GREB1L: variants seen among roughly 807,000 people sequenced by gnomAD.
GREB1L encodes the protein GREB1-like protein.
A neutral mutation model predicts 200.8 loss-of-function variants in GREB1L; 17 were observed. The observed-to-expected ratio is 0.08, with a 90% CI of 0.06 to 0.13. The LOEUF is 0.13. GREB1L is among the 10% of genes least tolerant of loss of function. The pLI is 1.00. For missense variants in GREB1L, 1,657 were observed against 2,367.7 expected (o/e 0.70, Z 6.23); for synonymous variants, 789 against 893.0 (o/e 0.88, Z 2.08).
intron 7 of GREB1L, among the ~76,000 whole-genome samples, chr18:21,414,495 C>T (rs1411798684): frequency 6.6e-6 from 1 of 152,168 alleles, no homozygotes; most frequent in Non-Finnish European, 1.5e-5. Flanking sequence ...TTACTGATCT[C>T]TCGTCAGCTC....
intron 18 of GREB1L, among the ~76,000 whole-genome samples, chr18:21,486,955 G>A (rs1462044434): frequency 6.6e-6 from 1 of 152,166 alleles, no homozygotes; most frequent in Non-Finnish European, 1.5e-5. Flanking sequence ...TTAAAATGAG[G>A]ACCTATGGAT....
intron 1 of GREB1L, among the ~76,000 whole-genome samples, chr18:21,254,890 A>G (rs746582174): frequency 6.6e-6 from 1 of 152,164 alleles, no homozygotes; most frequent in Non-Finnish European, 1.5e-5. Flanking sequence ...ACACACATTG[A>G]TGTCCCAAAT....
intron 7 of GREB1L, among the ~76,000 whole-genome samples, chr18:21,428,191 C>T (rs1317383987): frequency 1.1e-5 from 1 of 90,496 alleles, no homozygotes; most frequent in Non-Finnish European, 1.9e-5. Flanking sequence ...AGCGAGACTC[C>T]GTCTCAAAAA....
At chr18:21,430,610 A>AAT (rs2033068247) in intron 7 of GREB1L, among the ~76,000 whole-genome samples, 3 of 62,566 alleles carry the variant, frequency 4.8e-5, no homozygotes, top group South Asian at 5.4e-4. Context: ...TTTTTTTTTA[A>AAT]TTTGAGACGG....
At chr18:21,329,323 TAAA>T (rs35862944) in intron 1 of GREB1L, among the ~76,000 whole-genome samples, 9 of 92,338 alleles carry the variant, frequency 9.7e-5, no homozygotes, top group African/African-American at 2.6e-4. Context: ...AGACTCTGTC[TAAA>T]AAAAAAAAAA....
intron 7 of GREB1L, among the ~76,000 whole-genome samples, chr18:21,406,089 T>C (rs1298167908): frequency 6.8e-6 from 1 of 146,232 alleles, no homozygotes; most frequent in Non-Finnish European, 1.5e-5. Context: ...CAATAAAACA[T>C]GTAACCTTTC....
intron 27 of GREB1L, among the ~76,000 whole-genome samples, chr18:21,513,265 G>A (rs2037304449): frequency 6.6e-6 from 1 of 152,142 alleles, no homozygotes; most frequent in South Asian, 2.1e-4. Flanking sequence ...GCAGATCTAG[G>A]GAAAGGGTGC....
At chr18:21,520,619 A>C in intron 31 of GREB1L, 69 bp from the exon 32 acceptor site, 8 of 1,489,270 alleles carry the variant, frequency 5.4e-6, no homozygotes, top group Non-Finnish European at 7.3e-6. Context: ...GTACTGAGTC[A>C]TTCTGCTGAA....
At chr18:21,517,229 C>G (rs550739430) in intron 30 of GREB1L, among the ~76,000 whole-genome samples, 1 of 152,284 alleles carries the variant, frequency 6.6e-6, no homozygotes, top group East Asian at 1.9e-4. Flanking sequence ...TGAGACTCAT[C>G]TAGAGCCAAA....
intron 15 of GREB1L, among the ~76,000 whole-genome samples, chr18:21,459,169 A>G (rs1215589848): frequency 2.0e-5 from 3 of 151,106 alleles, no homozygotes; most frequent in African/African-American, 7.3e-5. Context: ...TATAGAGATT[A>G]CTCTATTCAA....
At chr18:21,326,821 T>C (rs1286246495) in intron 1 of GREB1L, among the ~76,000 whole-genome samples, 3 of 152,242 alleles carry the variant, frequency 2.0e-5, no homozygotes, top group Non-Finnish European at 4.4e-5. Context: ...AGCTGTTAAA[T>C]AGAAGTATTA....
intron 1 of GREB1L, among the ~76,000 whole-genome samples, chr18:21,246,242 A>C (rs2037599906): frequency 6.6e-6 from 1 of 152,156 alleles, no homozygotes; most frequent in Non-Finnish European, 1.5e-5. Flanking sequence ...TAAGATGTAA[A>C]ATGGGTTATA....
chr18:21,256,833 C>T (rs2037805725), intron 1 of GREB1L, among the ~76,000 whole-genome samples: 1 of 151,788 alleles, frequency 6.6e-6, no homozygotes, highest in South Asian at 2.1e-4. Context: ...TGGTGAAACC[C>T]CATCTCTACA....
At chr18:21,330,876 GTGAC>G (rs1365080415) in intron 1 of GREB1L, among the ~76,000 whole-genome samples, 23 of 152,230 alleles carry the variant, frequency 1.5e-4, no homozygotes, top group Non-Finnish European at 1.3e-4. Flanking sequence ...AAAGCACTGA[GTGAC>G]TGTTAGAATT....
chr18:21,397,110 T>C (rs1448346552), intron 5 of GREB1L, among the ~76,000 whole-genome samples: 1 of 152,298 alleles, frequency 6.6e-6, no homozygotes, highest in Non-Finnish European at 1.5e-5. Context: ...ACACGCTTTA[T>C]AGAAGTTCCT....
chr18:21,305,191 G>T (rs1394487154), intron 1 of GREB1L, among the ~76,000 whole-genome samples: 1 of 152,038 alleles, frequency 6.6e-6, no homozygotes, highest in Admixed American at 6.6e-5. Flanking sequence ...GGCCAGGATG[G>T]TCTCGATCTC....
intron 1 of GREB1L, among the ~76,000 whole-genome samples, chr18:21,334,813 C>G (rs932314817): frequency 1.3e-4 from 19 of 151,890 alleles, no homozygotes; most frequent in South Asian, 1.0e-3. Flanking sequence ...CTTTTGTGCT[C>G]TCTTTTAGCA....
chr18:21,487,967 C>T (rs1241082699), intron 18 of GREB1L, among the ~76,000 whole-genome samples: 24 of 151,286 alleles, frequency 1.6e-4, no homozygotes, highest in Middle Eastern at 6.8e-3. Flanking sequence ...GCTGAGATTG[C>T]GCCATTGCAC....
intron 27 of GREB1L, among the ~76,000 whole-genome samples, chr18:21,510,383 C>T (rs906727797): frequency 1.3e-5 from 2 of 152,170 alleles, no homozygotes; most frequent in Non-Finnish European, 2.9e-5. Flanking sequence ...CCCTCAGCGT[C>T]TGGCAGCCAC....
Sources: allele counts gnomAD v4.1 joint callset (sites outside exome capture counted in the v4.1 genomes callset), GRCh38; gene constraint gnomAD v4.1.1; transcripts MANE v1.5; gene names NCBI Gene and HGNC (gene_info 2026-07-23, HGNC 2026-07-21).